FSTL5: variants seen among roughly 807,000 people sequenced by gnomAD.
The protein encoded by FSTL5 is follistatin like 5.
FSTL5 carries 62 observed loss-of-function variants against 89.1 expected under a neutral mutation model. The ratio of observed to expected loss-of-function variants is 0.70; its 90% CI spans 0.57 to 0.86. The LOEUF (loss-of-function observed/expected upper bound fraction) is 0.86, where lower values mean the gene tolerates loss of function less well. Ranked by LOEUF, FSTL5 falls within the 40% of genes least tolerant of loss-of-function variation. The pLI, the probability that FSTL5 is intolerant of heterozygous loss-of-function variation, is 0.00. For synonymous variants in FSTL5, 383 were observed against 346.2 expected, an observed-to-expected ratio of 1.11 and a Z score of -1.18; for missense variants, 1,057 against 1,001.6, an observed-to-expected ratio of 1.06 and a Z score of -0.75.
At chr4:162,049,605 C>A (rs1738315650) in intron 2 of FSTL5, among the ~76,000 whole-genome samples, 1 of 152,088 alleles carries the variant, frequency 6.6e-6, no homozygotes. Flanking sequence ...CCCTTCCTTT[C>A]TCTTGAATTA....
At chr4:162,049,331 C>A (rs1738305845) in intron 2 of FSTL5, among the ~76,000 whole-genome samples, 1 of 152,102 alleles carries the variant, frequency 6.6e-6, no homozygotes, top group African/African-American at 2.4e-5. Flanking sequence ...AAAGAAGGCC[C>A]ACTATTAGCA....
chr4:161,433,540 G>A (rs1026540146), intron 15 of FSTL5, among the ~76,000 whole-genome samples: 1 of 152,002 alleles, frequency 6.6e-6, no homozygotes, highest in Non-Finnish European at 1.5e-5. Context: ...ATTCAATACA[G>A]TACTAGATTT....
At chr4:162,139,194 C>T (rs1283367921) in intron 1 of FSTL5, among the ~76,000 whole-genome samples, 4 of 151,948 alleles carry the variant, frequency 2.6e-5, no homozygotes, top group Non-Finnish European at 5.9e-5. Context: ...AAAGAATGAA[C>T]ATTGTACCCA....
chr4:162,102,420 G>A (rs1731031862), intron 2 of FSTL5, among the ~76,000 whole-genome samples: 1 of 151,020 alleles, frequency 6.6e-6, no homozygotes, highest in Non-Finnish European at 1.5e-5. Context: ...AACGTGTATA[G>A]TATATTAAAG....
At chr4:161,616,349 T>G (rs1734866916) in intron 7 of FSTL5, among the ~76,000 whole-genome samples, 1 of 152,174 alleles carries the variant, frequency 6.6e-6, no homozygotes, top group South Asian at 2.1e-4. Flanking sequence ...CCTCCCAAAG[T>G]GCTGAGGAAC....
intron 10 of FSTL5, among the ~76,000 whole-genome samples, chr4:161,537,737 G>A (rs1036372807): frequency 4.6e-5 from 7 of 152,146 alleles, no homozygotes; most frequent in Non-Finnish European, 1.0e-4. Flanking sequence ...AGAGAAGGAT[G>A]CTGTACAGGT....
chr4:162,007,151 G>T (rs2111120981), intron 3 of FSTL5, among the ~76,000 whole-genome samples: 1 of 151,898 alleles, frequency 6.6e-6, no homozygotes, highest in African/African-American at 2.4e-5. Flanking sequence ...TAAAAAGATA[G>T]TTGTTTAATT....
chr4:161,544,907 T>C (rs1414824926), intron 8 of FSTL5, among the ~76,000 whole-genome samples: 1 of 152,016 alleles, frequency 6.6e-6, no homozygotes, highest in Admixed American at 6.6e-5. Context: ...AGTCACTCAC[T>C]GAATTAACTA....
intron 3 of FSTL5, among the ~76,000 whole-genome samples, chr4:161,965,361 C>T (rs1020667846): frequency 5.9e-5 from 9 of 152,088 alleles, no homozygotes; most frequent in Non-Finnish European, 1.3e-4. Context: ...AAGACAGGCT[C>T]AAAGAGTTTT....
At chr4:162,067,738 T>C (rs1264423043) in intron 2 of FSTL5, among the ~76,000 whole-genome samples, 1 of 152,050 alleles carries the variant, frequency 6.6e-6, no homozygotes, top group Non-Finnish European at 1.5e-5. Context: ...GGTATTCAAA[T>C]AGGAAGAGAG....
intron 4 of FSTL5, among the ~76,000 whole-genome samples, chr4:161,849,465 T>C (rs745841259): frequency 6.6e-6 from 1 of 151,886 alleles, no homozygotes; most frequent in Non-Finnish European, 1.5e-5. Context: ...TATCTGCTAC[T>C]ACACTACATA....
At chr4:161,490,658 A>G (rs988441887) in intron 12 of FSTL5, among the ~76,000 whole-genome samples, 2 of 152,190 alleles carry the variant, frequency 1.3e-5, no homozygotes, top group Non-Finnish European at 2.9e-5. Context: ...CAGGTTTACA[A>G]GACTACTATT....
intron 4 of FSTL5, among the ~76,000 whole-genome samples, chr4:161,879,131 G>A (rs541836124): frequency 5.4e-4 from 82 of 152,034 alleles, no homozygotes; most frequent in Non-Finnish European, 9.0e-4. Context: ...TCTGAGATCT[G>A]GAACCTTGGT....
At chr4:161,977,666 T>TAATAATAAA (rs1251963424) in intron 3 of FSTL5, among the ~76,000 whole-genome samples, 2 of 131,726 alleles carry the variant, frequency 1.5e-5, no homozygotes, top group Non-Finnish European at 3.1e-5. Flanking sequence ...ATAATAATAA[T>TAATAATAAA]AAATTATTTT....
At chr4:161,451,039 C>CGG (rs1233962628) in intron 15 of FSTL5, among the ~76,000 whole-genome samples, 2 of 151,986 alleles carry the variant, frequency 1.3e-5, no homozygotes, top group Non-Finnish European at 2.9e-5. Flanking sequence ...CCACTGAGCC[C>CGG]GGCCCATTCA....
intron 3 of FSTL5, among the ~76,000 whole-genome samples, chr4:161,928,587 T>C (rs1405554226): frequency 2.6e-5 from 4 of 151,828 alleles, no homozygotes; most frequent in African/African-American, 9.7e-5. Flanking sequence ...AGTTAGTGTC[T>C]GCAATGTTTT....
In FSTL5 at chr4:161,831,350, A is replaced by G. The variant is rs556060127; in HGVS notation, c.410-55276T>C. Among the ~76,000 whole-genome samples the G allele has an allele frequency of 2.6e-5, 4 of 152,030 alleles. No individual in the cohort carries two copies. In the South Asian group the frequency reaches 8.3e-4, roughly 32 times the overall value. On this transcript the variant is annotated intron_variant, in intron 4 of 15. Transcript: ENST00000306100. ...TTAATTTGTTTCTCATATGAAACAT[A>G]CCTCTAATTACGTGTCTGATAGGAC...
At chr4:162,062,281 A>G in intron 2 of FSTL5, among the ~76,000 whole-genome samples, 1 of 151,962 alleles carries the variant, frequency 6.6e-6, no homozygotes, top group East Asian at 1.9e-4. Context: ...GCAGTTGAAT[A>G]GTGTTATTTT....
At chr4:161,638,020 T>C (rs1377151758) in intron 7 of FSTL5, among the ~76,000 whole-genome samples, 2 of 152,108 alleles carry the variant, frequency 1.3e-5, no homozygotes, top group Non-Finnish European at 2.9e-5. Flanking sequence ...GGTAGCTTTA[T>C]GGGGATGGCA....
Sources: allele counts gnomAD v4.1 joint callset (sites outside exome capture counted in the v4.1 genomes callset), GRCh38; gene constraint gnomAD v4.1.1; transcripts MANE v1.5; gene names NCBI Gene and HGNC (gene_info 2026-07-23, HGNC 2026-07-21).